Variants in SP3 observed in about 807,000 individuals in gnomAD.
The protein encoded by SP3 is transcription factor Sp3.
A neutral mutation model predicts 70.3 loss-of-function variants in SP3; 10 were observed. The ratio of observed to expected loss-of-function variants is 0.14; its 90% CI spans 0.09 to 0.24. The LOEUF (loss-of-function observed/expected upper bound fraction) is 0.24, where lower values mean the gene tolerates loss of function less well. Among genes scored for constraint, SP3 ranks in the 10% least tolerant of loss-of-function variants. SP3 has a pLI of 1.00. For missense variants in SP3, 825 were observed against 914.6 expected, an observed-to-expected ratio of 0.90 and a Z score of 1.26; for synonymous variants, 402 against 333.5, an observed-to-expected ratio of 1.21 and a Z score of -2.24.
rs1260329332 is a variant in SP3 at position 173,963,753 on chromosome 2, G to A, written c.279+8C>T. On this transcript the variant is annotated splice_region_variant and intron_variant, in intron 3 of 6. Coordinates refer to ENST00000310015, the MANE Select transcript of SP3 (RefSeq NM_003111.5). ...CCTCGGCGGGGGCGGGCCGCGCGCG[G>A]GACTTACCGCTCCGGCGGCGGCGGG... The A allele has an allele frequency of 1.4e-5, 16 of 1,175,840 alleles. No individual in the cohort carries two copies. The highest frequency in any genetic ancestry group is 1.6e-5 in the Non-Finnish European group (15 of 934,308). 72.8% of individuals were successfully genotyped at this position (1,175,840 alleles called of 1,614,324 possible).
rs778557601 is a variant in SP3, at chr2:173,918,685, C to T, written c.1740G>A (p.Val580=). 2.5e-6 allele frequency: 4 copies of T among 1,613,710 alleles called. No homozygotes were observed. The highest frequency in any genetic ancestry group is 2.7e-5 in the African/African-American group (2 of 74,874). ...GTTGTTGGTCCCCTTCTTCATCTAC[C>T]ACCTGTACTCTTAAGTGTGTTAGGT... is the stretch of plus-strand genomic sequence containing the variant. ...TNDLTHLRVQ[V]VDEEGDQQHQ... is the part of the protein sequence containing the mutation. The change falls in exon 5 of 7, where the codon GTG becomes GTA. Residue 580 remains valine (V), a synonymous_variant. Coordinates refer to ENST00000310015, the MANE Select transcript of SP3 (RefSeq NM_003111.5).
intron 4 of SP3, among the ~76,000 whole-genome samples, chr2:173,954,149 A>G (rs1690804085): frequency 1.3e-5 from 2 of 152,378 alleles, no homozygotes; most frequent in Middle Eastern, 3.4e-3. Flanking sequence ...ACATTCAATC[A>G]AATGTTATCT....
intron 1 of SP3, 91 bp downstream of exon 1, chr2:173,965,074 C>G: frequency 6.6e-7 from 1 of 1,511,252 alleles, no homozygotes; most frequent in Non-Finnish European, 9.0e-7. Flanking sequence ...CACACGGGGC[C>G]GAGACCGGCG....
chr2:173,959,560 T>C (rs965349525), intron 3 of SP3, among the ~76,000 whole-genome samples: 16 of 151,940 alleles, frequency 1.1e-4, no homozygotes, highest in African/African-American at 3.6e-4. Context: ...ACCCCGCCTC[T>C]ACTAAAAAGA....
chr2:173,909,963 G>C lies in SP3; in HGVS notation c.2324C>G (p.Ser775Cys). The C allele has an allele frequency of 1.2e-6, 2 of 1,613,738 alleles. No homozygotes were observed. The highest frequency in any genetic ancestry group is 1.7e-6 in the Non-Finnish European group (2 of 1,179,732). ...TEIPLQLVTV[S>C]GNETME ...TATTTACTCCATTGTCTCATTTCCAGAAACTGTGACAAGCTGTAAAGGTAT... is the reference window on the plus strand; with the variant it reads ...TATTTACTCCATTGTCTCATTTCCACAAACTGTGACAAGCTGTAAAGGTAT... Residue 775 changes from serine to cysteine, a missense_variant, in exon 7 of 7, where the codon TCT (serine) becomes TGT (cysteine). Ser to Cys is a moderately radical substitution (Grantham distance 112). Coordinates refer to ENST00000310015, the MANE Select transcript of SP3 (RefSeq NM_003111.5).
At chr2:173,915,187 T>C (rs1689590944) in intron 5 of SP3, 1 of 152,104 alleles carries the variant, frequency 6.6e-6, no homozygotes, top group Non-Finnish European at 1.5e-5. Flanking sequence ...ACTGAATTAT[T>C]AGGAAATAAG....
In SP3 at chr2:173,955,149, C is replaced by T; in HGVS notation, c.1363G>A (p.Val455Met). The T allele has an allele frequency of 6.2e-7, 1 of 1,614,188 alleles. No individual in the cohort carries two copies. Among genetic ancestry groups the T allele is most frequent in the Admixed American group, 1.7e-5 (1 of 60,016 alleles). The change falls in exon 4 of 7, where the codon GTG becomes ATG. Residue 455 changes from valine (V) to methionine (M), a missense_variant. Val to Met is a conservative substitution (Grantham distance 21). This residue lies in a region of SP3 where 678 missense variants were observed against 651.6 expected (regional missense o/e 1.04). Coordinates refer to ENST00000310015, the MANE Select transcript of SP3 (RefSeq NM_003111.5). Reference protein sequence around the residue: ...PGTFLIQAQTVTPSGQVTWQT... With the variant: ...PGTFLIQAQTMTPSGQVTWQT... ...CAAGTTACCTGTCCAGAAGGGGTCA[C>T]TGTCTGTGCCTGAATTAAAAAGGTT...
chr2:173,932,841 C>T lies in SP3; in HGVS notation c.1640-14056G>A, dbSNP rs528253129. The stretch of plus-strand genomic sequence containing the variant: ...CCCCGTCTCTACTAAAAATACAAAA[C>T]ATTAGCCAGGCTTGGCGGTGGGGTC... On this transcript the variant is annotated intron_variant, in intron 4 of 6. Transcript: ENST00000310015. 1.5e-4 allele frequency among the ~76,000 whole-genome samples: 23 copies of T among 152,036 alleles called. No individual in the cohort carries two copies. In the East Asian group the frequency reaches 3.5e-3, roughly 23 times the overall value.
chr2:173,965,246 G>A lies in SP3; in HGVS notation c.-75C>T, dbSNP rs1015993988. 2.6e-6 allele frequency: 4 copies of A among 1,515,356 alleles called. No individual in the cohort carries two copies. In the East Asian group the frequency reaches 7.4e-5, roughly 28 times the overall value. The allele number at this position is 1,515,356 out of a possible 1,614,324, so 93.9% of individuals were successfully genotyped here. A position where few individuals can be genotyped will look rare whatever the true frequency, so the allele number is the denominator to read the frequency against. On this transcript the variant is annotated 5_prime_UTR_variant, in exon 1 of 7. Transcript: ENST00000310015. Reference sequence around the variant, plus strand: ...TGAGGAGCGAAGGCGGCGGCGGCGGGAGAGGATGCGGGAAGCGGCGGCGGA... The same window carrying A: ...TGAGGAGCGAAGGCGGCGGCGGCGGAAGAGGATGCGGGAAGCGGCGGCGGA...
chr2:173,923,885 T>C (rs1028356012), intron 4 of SP3, among the ~76,000 whole-genome samples: 1 of 152,062 alleles, frequency 6.6e-6, no homozygotes, highest in Non-Finnish European at 1.5e-5. Context: ...CAATATCTCA[T>C]GTATTATAAA....
Position 173,905,890 on chromosome 2 carries a change from T to C in SP3, c.*4051A>G, listed in dbSNP as rs1689300206. ...GGTGTGCACCTGTGGTCCAAGCTAC[T>C]TAAGAGGCCGAAGTGGGGAGGATTG... is the stretch of plus-strand genomic sequence containing the variant. On this transcript the variant is annotated 3_prime_UTR_variant, in exon 7 of 7. Coordinates refer to ENST00000310015, the MANE Select transcript of SP3 (RefSeq NM_003111.5). 6.6e-6 allele frequency among the ~76,000 whole-genome samples: 1 copy of C among 152,108 alleles called. No homozygotes were observed. The highest frequency in any genetic ancestry group is 2.4e-5 in the African/African-American group (1 of 41,408).
Position 173,902,232 on chromosome 2 carries a change from T to C in SP3, c.*7709A>G, listed in dbSNP as rs959535959. On this transcript the variant is annotated 3_prime_UTR_variant, in exon 7 of 7. Coordinates refer to ENST00000310015, the MANE Select transcript of SP3 (RefSeq NM_003111.5). ...AGGTCCCTTTTAAATTTCTTACTTA[T>C]ACTTGCTTTTCTTCCAGATGAATCT... Among the ~76,000 whole-genome samples the C allele has an allele frequency of 5.9e-5, 9 of 152,242 alleles. No individual in the cohort carries two copies. The highest frequency in any genetic ancestry group is 2.6e-4 in the Admixed American group (4 of 15,286).
At chr2:173,912,421 T>C (rs1237883566) in intron 6 of SP3, among the ~76,000 whole-genome samples, 2 of 152,246 alleles carry the variant, frequency 1.3e-5, no homozygotes, top group Admixed American at 6.5e-5. Context: ...TACATAGTTT[T>C]CAATTCTCCA....
In SP3 at chr2:173,909,721, C is replaced by T. The variant is rs997248987; in HGVS notation, c.*220G>A. On this transcript the variant is annotated 3_prime_UTR_variant, in exon 7 of 7. Transcript: ENST00000310015. ...ATAACTTGGTAAAATTTCATTTCTT[C>T]TAGATTCCAAAAGTACCTACAAAAC... The T allele has an allele frequency of 6.7e-5, 27 of 403,650 alleles. No homozygotes were observed. The highest frequency in any genetic ancestry group is 1.0e-4 in the Non-Finnish European group (23 of 224,364). 25.0% of individuals were successfully genotyped at this position (403,650 alleles called of 1,614,324 possible). A position where few individuals can be genotyped will look rare whatever the true frequency, so the allele number is the denominator to read the frequency against.
rs35419725 is a variant in SP3 at position 173,946,721 on chromosome 2, C to CTTTTT, written c.1639+8147_1639+8151dup. ...TGTGTGGCTAAAAAGAAAGATCTGCCTTTTTTTTTTTTTTTTTTTAAGACA... is the reference window on the plus strand; with the variant it reads ...TGTGTGGCTAAAAAGAAAGATCTGCCTTTTTTTTTTTTTTTTTTTTTTTTAAGACA... On this transcript the variant is annotated intron_variant, in intron 4 of 6. Transcript: ENST00000310015. Among the ~76,000 whole-genome samples the CTTTTT allele has an allele frequency of 1.0e-4, 13 of 129,248 alleles. 1 individual carries two copies. Among genetic ancestry groups the CTTTTT allele is most frequent in the Admixed American group, 5.0e-4 (6 of 12,064 alleles). The allele number at this position is 129,248 out of a possible 152,430, so 84.8% of individuals were successfully genotyped here.
chr2:173,958,588 A>G (rs1690966857), intron 3 of SP3, among the ~76,000 whole-genome samples: 1 of 151,920 alleles, frequency 6.6e-6, no homozygotes, highest in African/African-American at 2.4e-5. Context: ...GGGGGAAAAA[A>G]AAAAAAAGCA....
In SP3 at chr2:173,963,826, G is replaced by A. The variant is rs768768167; in HGVS notation, c.214C>T (p.Pro72Ser). 2 of 1,485,848 alleles carry A rather than the reference G, an allele frequency of 1.3e-6. No homozygotes were observed. Among genetic ancestry groups the A allele is most frequent in the Non-Finnish European group, 1.8e-6 (2 of 1,111,242 alleles). The allele number at this position is 1,485,848 out of a possible 1,614,324, so 92.0% of individuals were successfully genotyped here. Residue 72 changes from proline to serine, a missense_variant, in exon 3 of 7, where the codon CCA becomes TCA. Coordinates refer to ENST00000310015, the MANE Select transcript of SP3 (RefSeq NM_003111.5). ...TCCTCCTCGTCGTCGCCCGGCGATG[G>A]CGGCCCTATCTTGCTGCAGGTAGCG... ...LAATCSKIGP[P>S]SPGDDEEEAA... is the part of the protein sequence containing the mutation.
Position 173,904,597 on chromosome 2 carries a change from A to G in SP3, c.*5344T>C, listed in dbSNP as rs542481387. Among the ~76,000 whole-genome samples the G allele has an allele frequency of 6.6e-6, 1 of 152,264 alleles. No individual in the cohort carries two copies. Among genetic ancestry groups the G allele is most frequent in the African/African-American group, 2.4e-5 (1 of 41,544 alleles). ...GTCATCTTTGCTTTCTCTGCCTCCC[A>G]TGTATGTTCCAGATGTGACCTCCCA... On this transcript the variant is annotated 3_prime_UTR_variant, in exon 7 of 7. Coordinates refer to ENST00000310015, the MANE Select transcript of SP3 (RefSeq NM_003111.5).
chr2:173,913,803 A>G (rs1689555407), intron 5 of SP3: 2 of 152,186 alleles, frequency 1.3e-5, no homozygotes, highest in South Asian at 2.1e-4. Flanking sequence ...CTGAATATAC[A>G]CTGACTTGGA....
Sources: allele counts gnomAD v4.1 joint callset (sites outside exome capture counted in the v4.1 genomes callset), GRCh38; gene constraint gnomAD v4.1.1; regional missense constraint gnomAD v4.1.1; transcripts MANE v1.5; gene names NCBI Gene and HGNC (gene_info 2026-07-23, HGNC 2026-07-21).